FBXL17: variants seen among roughly 807,000 people sequenced by gnomAD.
The protein encoded by FBXL17 is F-box/LRR-repeat protein 17.
In FBXL17, 22 loss-of-function variants were observed where a neutral mutation model predicts 66.2. The observed-to-expected ratio is 0.33, with a 90% confidence interval of 0.24 to 0.47. The LOEUF is 0.47. Ranked by LOEUF, FBXL17 falls within the 20% of genes least tolerant of loss-of-function variation. The probability of loss-of-function intolerance (pLI) is 1.00; values close to 1 mark genes in which losing one functional copy is unlikely to be tolerated. For synonymous variants in FBXL17, 474 were observed against 400.5 expected, an observed-to-expected ratio of 1.18 and a Z score of -2.19; for missense variants, 878 against 948.2, an observed-to-expected ratio of 0.93 and a Z score of 0.97.
intron 7 of FBXL17, among the ~76,000 whole-genome samples, chr5:107,886,053 T>C (rs145154908): frequency 6.6e-6 from 1 of 152,250 alleles, no homozygotes; most frequent in African/African-American, 2.4e-5. Flanking sequence ...CCAAAGGGGA[T>C]AGGAATTAAA....
chr5:107,873,429 A>G (rs1238750435), intron 8 of FBXL17, among the ~76,000 whole-genome samples: 5 of 152,214 alleles, frequency 3.3e-5, no homozygotes, highest in Admixed American at 3.3e-4. Flanking sequence ...TATTAATAAA[A>G]TATATGATAA....
chr5:108,030,143 T>C (rs917504765), intron 6 of FBXL17, among the ~76,000 whole-genome samples: 1 of 152,316 alleles, frequency 6.6e-6, no homozygotes, highest in Admixed American at 6.5e-5. Context: ...ACATAGTTGT[T>C]GTGTGTGCAC....
chr5:107,919,178 T>G (rs145584321), intron 7 of FBXL17, among the ~76,000 whole-genome samples: 7 of 152,318 alleles, frequency 4.6e-5, no homozygotes, highest in African/African-American at 1.7e-4. Context: ...ATTGGATTCC[T>G]TATCTTGGCT....
chr5:108,168,657 C>T (rs113432151), intron 6 of FBXL17, among the ~76,000 whole-genome samples: 12 of 152,180 alleles, frequency 7.9e-5, no homozygotes, highest in African/African-American at 2.9e-4. Flanking sequence ...GAAATCAATG[C>T]TAATATAAGC....
chr5:107,963,438 A>C (rs1238284659), intron 7 of FBXL17, among the ~76,000 whole-genome samples: 1 of 152,200 alleles, frequency 6.6e-6, no homozygotes, highest in East Asian at 1.9e-4. Context: ...ACATGAGGGA[A>C]GGGATCTAAT....
chr5:108,173,305 G>A (rs116003400), intron 6 of FBXL17, among the ~76,000 whole-genome samples: 18,275 of 152,070 alleles, frequency 0.12, 1,316 homozygotes, highest in Admixed American at 0.15. Context: ...GCTAAATGAC[G>A]AGTTAATGGG....
At chr5:108,377,379 C>T (rs569737527) in intron 1 of FBXL17, among the ~76,000 whole-genome samples, 1 of 152,356 alleles carries the variant, frequency 6.6e-6, no homozygotes, top group Admixed American at 6.5e-5. Context: ...CTAGCAAATA[C>T]ATGGTTTTTC....
At chr5:107,935,532 A>AACTT (rs1314599058) in intron 7 of FBXL17, among the ~76,000 whole-genome samples, 3 of 152,106 alleles carry the variant, frequency 2.0e-5, no homozygotes, top group Non-Finnish European at 4.4e-5. Flanking sequence ...GATAGTTAAG[A>AACTT]ATCTTTAAGA....
At chr5:108,049,216 C>T (rs1747376871) in intron 6 of FBXL17, among the ~76,000 whole-genome samples, 1 of 151,908 alleles carries the variant, frequency 6.6e-6, no homozygotes, top group African/African-American at 2.4e-5. Context: ...GATCTCGACT[C>T]ACTGCAACCT....
intron 4 of FBXL17, among the ~76,000 whole-genome samples, chr5:108,348,186 G>T (rs1334051418): frequency 6.6e-6 from 1 of 152,128 alleles, no homozygotes; most frequent in Non-Finnish European, 1.5e-5. Flanking sequence ...ATGCTAATGA[G>T]GGATTTTTAA....
At chr5:108,058,128 G>A (rs1022533506) in intron 6 of FBXL17, among the ~76,000 whole-genome samples, 1 of 152,186 alleles carries the variant, frequency 6.6e-6, no homozygotes, top group Non-Finnish European at 1.5e-5. Context: ...TGAACACTCG[G>A]TAGTAATGGT....
At chr5:108,365,971 A>G (rs927037309) in intron 2 of FBXL17, among the ~76,000 whole-genome samples, 12 of 152,126 alleles carry the variant, frequency 7.9e-5, no homozygotes, top group South Asian at 6.2e-4. Flanking sequence ...GAGATTTTCA[A>G]TGTTTCACTT....
At chr5:108,016,810 G>A (rs1754406212) in intron 7 of FBXL17, among the ~76,000 whole-genome samples, 4 of 137,728 alleles carry the variant, frequency 2.9e-5, no homozygotes, top group Admixed American at 1.6e-4. Context: ...ACAGAGTTTC[G>A]CTTTTGTCGC....
intron 3 of FBXL17, among the ~76,000 whole-genome samples, chr5:108,358,024 G>C (rs1042712698): frequency 2.0e-5 from 3 of 152,010 alleles, no homozygotes; most frequent in African/African-American, 7.2e-5. Flanking sequence ...TCTGTATTTT[G>C]ATTTTGCATC....
At chr5:108,210,384 T>C (rs1754314734) in intron 5 of FBXL17, among the ~76,000 whole-genome samples, 1 of 152,196 alleles carries the variant, frequency 6.6e-6, no homozygotes, top group Non-Finnish European at 1.5e-5. Flanking sequence ...GCTTCTCTAG[T>C]TCTACTAATT....
rs73212241 is a variant in FBXL17 at position 108,199,812 on chromosome 5, T to C, written c.1615-13565A>G. The stretch of plus-strand genomic sequence containing the variant: ...GTTGGTCAAGGTATAATTAGGAAAA[T>C]AGAAACTACTATAAATATGAAATTA... On this transcript the variant is annotated intron_variant, in intron 5 of 8. Transcript: ENST00000542267. Among the ~76,000 whole-genome samples the C allele has an allele frequency of 7.2e-3, 1,088 of 152,062 alleles. 18 individuals are homozygous for C. Among genetic ancestry groups the C allele is most frequent in the African/African-American group, 0.025 (1,032 of 41,464 alleles).
chr5:108,319,095 C>CA (rs2150214252), intron 4 of FBXL17, among the ~76,000 whole-genome samples: 1 of 151,960 alleles, frequency 6.6e-6, no homozygotes, highest in South Asian at 2.1e-4. Context: ...TCTACCCAAA[C>CA]AGGCAATGAC....
At chr5:108,340,283 G>A (rs1210034965) in intron 4 of FBXL17, among the ~76,000 whole-genome samples, 2 of 151,890 alleles carry the variant, frequency 1.3e-5, no homozygotes, top group African/African-American at 4.8e-5. Flanking sequence ...AGGCATGGTG[G>A]CTGATGCCTA....
chr5:108,323,963 T>C (rs1759738202), intron 4 of FBXL17, among the ~76,000 whole-genome samples: 1 of 151,908 alleles, frequency 6.6e-6, no homozygotes, highest in South Asian at 2.1e-4. Context: ...CTAAAACATA[T>C]GAATTAAAAC....
Sources: allele counts gnomAD v4.1 joint callset (sites outside exome capture counted in the v4.1 genomes callset), GRCh38; gene constraint gnomAD v4.1.1; transcripts MANE v1.5; gene names NCBI Gene and HGNC (gene_info 2026-07-23, HGNC 2026-07-21).